The following BRD2 variants were observed in gnomAD, a reference collection of about 807,000 sequenced individuals.
BRD2 encodes the protein bromodomain-containing protein 2.
Under a neutral mutation model 79.1 loss-of-function variants are expected in BRD2, and 15 were observed. That is an observed-to-expected ratio of 0.19 (90% CI 0.13 to 0.29). The LOEUF is 0.29. BRD2 is among the 10% of genes least tolerant of loss of function. The pLI, the probability that BRD2 is intolerant of heterozygous loss-of-function variation, is 1.00. For synonymous variants in BRD2, 488 were observed against 358.6 expected (o/e 1.36, Z -4.08); for missense variants, 1,053 against 991.3 (o/e 1.06, Z -0.84).
intron 2 of BRD2, among the ~76,000 whole-genome samples, chr6:32,973,846 C>T (rs1424857701): frequency 1.3e-5 from 2 of 152,086 alleles, no homozygotes; most frequent in South Asian, 2.1e-4. Flanking sequence ...TGAAGTCTGA[C>T]AAATTCTTCC....
chr6:32,972,738 G>A lies in BRD2; in HGVS notation c.-161G>A, dbSNP rs957678338. The A allele has an allele frequency of 2.8e-6, 3 of 1,085,190 alleles. No homozygotes were observed. The highest frequency in any genetic ancestry group is 3.1e-5 in the African/African-American group (2 of 64,708). 67.2% of individuals were successfully genotyped at this position (1,085,190 alleles called of 1,614,324 possible). A position where few individuals can be genotyped will look rare whatever the true frequency, so the allele number is the denominator to read the frequency against. On this transcript the variant is annotated 5_prime_UTR_variant, in exon 2 of 13. Transcript: ENST00000374825. ...GGAGCTCTCCGAGAGGCCCCAAAGA[G>A]ACTGCTTTCGTGCCGGCCAGGCAGG...
intron 10 of BRD2, chr6:32,979,581 AAT>A: frequency 2.2e-6 from 1 of 462,952 alleles, no homozygotes; most frequent in Non-Finnish European, 3.8e-6. Context: ...CATTTTTAGT[AAT>A]ATTTTTTCAT....
Position 32,971,748 on chromosome 6 carries a change from C to G in BRD2, c.-1151C>G, listed in dbSNP as rs998342478. The G allele has an allele frequency of 1.7e-6, 1 of 581,094 alleles. No homozygotes were observed. The highest frequency in any genetic ancestry group is 3.0e-6 in the Non-Finnish European group (1 of 328,534). 36.0% of individuals were successfully genotyped at this position (581,094 alleles called of 1,614,324 possible). A position where few individuals can be genotyped will look rare whatever the true frequency, so the allele number is the denominator to read the frequency against. ...GGAGCTACGAATGGCACGACCTGCT[C>G]GAGCTTGGCAGTCTCCAGTTGGGCT... is the stretch of plus-strand genomic sequence containing the variant. On this transcript the variant is annotated 5_prime_UTR_variant, in exon 2 of 13. Coordinates refer to ENST00000374825, the MANE Select transcript of BRD2 (RefSeq NM_005104.4).
rs775480784 is a variant in BRD2, at chr6:32,975,988, T to G, written c.472-43T>G. On this transcript the variant is annotated intron_variant, in intron 4 of 12. Transcript: ENST00000374825. ...AAGATGGTGTGTATCTATCTTCTGT[T>G]GGCATTTTTTAACTTTCTTTATTGC... 7 of 1,566,810 alleles carry G rather than the reference T, an allele frequency of 4.5e-6. No individual in the cohort carries two copies. In the South Asian group the frequency reaches 8.5e-5, roughly 19 times the overall value.
rs1779528125 is a variant in BRD2 at position 32,981,320 on chromosome 6, T to C, written c.*602T>C. On this transcript the variant is annotated 3_prime_UTR_variant, in exon 13 of 13. Transcript: ENST00000374825. ...AGAAAATATTATTCAAGTTTTGAGT[T>C]ACCTTAATATTTGCTTTTGTAGTGT... The C allele has an allele frequency of 6.6e-6, 1 of 152,284 alleles. No individual in the cohort carries two copies. The highest frequency in any genetic ancestry group is 2.4e-5 in the African/African-American group (1 of 41,452). The allele number at this position is 152,284 out of a possible 1,614,324, so 9.4% of individuals were successfully genotyped here. A position where few individuals can be genotyped will look rare whatever the true frequency, so the allele number is the denominator to read the frequency against.
Position 32,972,761 on chromosome 6 carries a change from AG to A in BRD2, c.-133del. 7.6e-7 allele frequency: 1 copy of A among 1,308,754 alleles called. No individual in the cohort carries two copies. The highest frequency in any genetic ancestry group is 1.1e-6 in the Non-Finnish European group (1 of 922,534). 81.1% of individuals were successfully genotyped at this position (1,308,754 alleles called of 1,614,324 possible). A position where few individuals can be genotyped will look rare whatever the true frequency, so the allele number is the denominator to read the frequency against. On this transcript the variant is annotated 5_prime_UTR_variant, in exon 2 of 13. Transcript: ENST00000374825. ...GAGACTGCTTTCGTGCCGGCCAGGC[AG>A]GGGGTTTGTCGCCTGGAGGCCCAAG...
intron 4 of BRD2, 106 bp from the exon 5 acceptor site, chr6:32,975,925 G>A: frequency 7.9e-7 from 1 of 1,261,968 alleles, no homozygotes; most frequent in Non-Finnish European, 1.1e-6. Context: ...TGACTGGTGG[G>A]GGTATGGTAA....
intron 10 of BRD2, chr6:32,978,737 G>A (rs928083225): frequency 7.9e-5 from 25 of 317,824 alleles, no homozygotes; most frequent in Non-Finnish European, 7.0e-5. Context: ...AGGCAGTGAT[G>A]CCCACATGCC....
At position 32,978,110 on chromosome 6, in the gene BRD2, GT is replaced by G. The variant is rs2066761; in HGVS notation, c.1579-8del. On this transcript the variant is annotated splice_polypyrimidine_tract_variant and intron_variant, in intron 9 of 12. Coordinates refer to ENST00000374825, the MANE Select transcript of BRD2 (RefSeq NM_005104.4). The stretch of plus-strand genomic sequence containing the variant: ...TCTTTATTTACTTTTTCCACTTCAT[GT>G]TTTTTTTCCTTTAGCTTCGGGCAGT... 7,146 of 1,593,442 alleles carry G rather than the reference GT, an allele frequency of 4.5e-3. 134 individuals are homozygous for G. The highest frequency in any genetic ancestry group is 0.039 in the African/African-American group (2,844 of 73,342).
At chr6:32,977,197 T>TA (rs1431462381) in intron 7 of BRD2, 1 of 1,477,112 alleles carries the variant, frequency 6.8e-7, no homozygotes, top group Non-Finnish European at 9.1e-7. Flanking sequence ...TTAAGGAAGT[T>TA]ATAGGGTGGA....
At position 32,980,790 on chromosome 6, in the gene BRD2, T is replaced by A; in HGVS notation, c.*72T>A. On this transcript the variant is annotated 3_prime_UTR_variant, in exon 13 of 13. Coordinates refer to ENST00000374825, the MANE Select transcript of BRD2 (RefSeq NM_005104.4). ...TAGACCACCCTGCCCCACCTGCCCC[T>A]TCCCCCTTTGCTGTGACACTTCTTC... 1 of 1,558,124 alleles carries A rather than the reference T, an allele frequency of 6.4e-7. No homozygotes were observed. The highest frequency in any genetic ancestry group is 1.1e-5 in the South Asian group (1 of 89,456).
At chr6:32,973,235 G>C (rs1778271304) in intron 2 of BRD2, 2 of 1,337,084 alleles carry the variant, frequency 1.5e-6, no homozygotes, top group Non-Finnish European at 2.0e-6. Flanking sequence ...CAGGTTTGGC[G>C]TTTGGTGGGT....
At chr6:32,976,492 G>GC in intron 6 of BRD2, 28 bp downstream of exon 6, 1 of 1,603,582 alleles carries the variant, frequency 6.2e-7, no homozygotes, top group Non-Finnish European at 8.5e-7. Context: ...CCTCTGGGCA[G>GC]CAGGGAGGCA....
At position 32,974,552 on chromosome 6, in the gene BRD2, T is replaced by C. The variant is rs148450256; in HGVS notation, c.120T>C (p.Tyr40=). ...GKRIRKPSLL[Y]EGFESPTMAS... Reference sequence around the variant, plus strand: ...GGATTCGAAAACCCTCTCTCTTGTATGAGGGCTTTGAGAGCCCCACAATGG... The same window carrying C: ...GGATTCGAAAACCCTCTCTCTTGTACGAGGGCTTTGAGAGCCCCACAATGG... Residue 40 remains tyrosine (Y), a synonymous_variant, in exon 3 of 13, where the codon TAT becomes TAC. Transcript: ENST00000374825. The C allele has an allele frequency of 6.2e-7, 1 of 1,614,126 alleles. No individual in the cohort carries two copies. Among genetic ancestry groups the C allele is most frequent in the Non-Finnish European group, 8.5e-7 (1 of 1,180,048 alleles).
Position 32,976,291 on chromosome 6 carries a change from G to T in BRD2, c.652G>T (p.Val218Phe). The T allele has an allele frequency of 6.2e-7, 1 of 1,613,016 alleles. No individual in the cohort carries two copies. The highest frequency in any genetic ancestry group is 8.5e-7 in the Non-Finnish European group (1 of 1,180,016). The change falls in exon 6 of 13, where the codon GTC becomes TTC. Residue 218 changes from valine (V) to phenylalanine (F), a missense_variant. Coordinates refer to ENST00000374825, the MANE Select transcript of BRD2 (RefSeq NM_005104.4). ...SVTSAHQVPA[V>F]SSVSHTALYT... The stretch of plus-strand genomic sequence containing the variant: ...TACCAGTGCCCATCAGGTGCCTGCC[G>T]TCTCTTCTGTGTCACACACAGCCCT...
At chr6:32,970,911 C>CGCA (rs1412212952) in intron 1 of BRD2, 1 of 151,776 alleles carries the variant, frequency 6.6e-6, no homozygotes, top group Non-Finnish European at 1.5e-5. Flanking sequence ...TAGTCTGAGC[C>CGCA]GCAGCCGCCG....
At chr6:32,970,746 C>G (rs981712463) in intron 1 of BRD2, 1 of 152,120 alleles carries the variant, frequency 6.6e-6, no homozygotes, top group African/African-American at 2.4e-5. Context: ...CTGGTTGATT[C>G]ACAGAGTCTG....
chr6:32,974,367 A>AC (rs1778434332), intron 2 of BRD2, 95 bp from the exon 3 acceptor site: 1 of 1,323,928 alleles, frequency 7.6e-7, no homozygotes, highest in African/African-American at 1.5e-5. Flanking sequence ...TAACCACCTC[A>AC]CTAGGGCCAG....
intron 11 of BRD2, 49 bp from the exon 12 acceptor site, chr6:32,980,293 A>G (rs746075278): frequency 2.5e-6 from 4 of 1,605,048 alleles, no homozygotes; most frequent in South Asian, 2.2e-5. Context: ...GGCCCATAAT[A>G]AGATGCTTGG....
Sources: allele counts gnomAD v4.1 joint callset (sites outside exome capture counted in the v4.1 genomes callset), GRCh38; gene constraint gnomAD v4.1.1; transcripts MANE v1.5; gene names NCBI Gene and HGNC (gene_info 2026-07-23, HGNC 2026-07-21).